SMC1B: variants seen among roughly 807,000 people sequenced by gnomAD.
SMC1B encodes the protein structural maintenance of chromosomes protein 1B.
SMC1B carries 60 observed loss-of-function variants against 157.9 expected under a neutral mutation model. The observed-to-expected ratio is 0.38, with a 90% confidence interval of 0.31 to 0.47. The LOEUF (loss-of-function observed/expected upper bound fraction) is 0.47, where lower values mean the gene tolerates loss of function less well. Among genes scored for constraint, SMC1B ranks in the 20% least tolerant of loss-of-function variants. SMC1B has a pLI of 0.99. For synonymous variants in SMC1B, 445 were observed against 483.0 expected (o/e 0.92, Z 1.03); for missense variants, 1,165 against 1,426.2 (o/e 0.82, Z 2.95).
chr22:45,399,736 A>G (rs2087170131), intron 5 of SMC1B, among the ~76,000 whole-genome samples: 1 of 152,258 alleles, frequency 6.6e-6, no homozygotes, highest in Admixed American at 6.5e-5. Context: ...AAACAGCCTT[A>G]CTGAAGGGGT....
At chr22:45,413,022 A>G (rs1409325568) in intron 1 of SMC1B, among the ~76,000 whole-genome samples, 1 of 151,234 alleles carries the variant, frequency 6.6e-6, no homozygotes, top group African/African-American at 2.4e-5. Flanking sequence ...CCAGGGCGGG[A>G]CCGGGGCGGA....
intron 16 of SMC1B, 73 bp from the exon 17 acceptor site, chr22:45,362,057 T>C (rs2086727144): frequency 6.9e-7 from 1 of 1,448,964 alleles, no homozygotes; most frequent in South Asian, 1.3e-5. Flanking sequence ...TTCTTATCAA[T>C]AACACCAAAC....
intron 21 of SMC1B, 54 bp downstream of exon 21, chr22:45,353,912 AAAAAAAAACAAC>A: frequency 1.4e-6 from 1 of 728,670 alleles, no homozygotes; most frequent in Non-Finnish European, 2.0e-6. Context: ...AAAAAAAAAA[AAAAAAAAACAAC>A]CACCACCGGT....
chr22:45,354,374 G>GTATGTATT, intron 20 of SMC1B, among the ~76,000 whole-genome samples: 1 of 152,012 alleles, frequency 6.6e-6, no homozygotes, highest in East Asian at 1.9e-4. Flanking sequence ...ATGTATGTAT[G>GTATGTATT]TATGTATGTA....
At position 45,389,840 on chromosome 22, in the gene SMC1B, T is replaced by A. The variant is rs770851273; in HGVS notation, c.1603A>T (p.Thr535Ser). 3 of 1,613,980 alleles carry A rather than the reference T, an allele frequency of 1.9e-6. No homozygotes were observed. Among genetic ancestry groups the A allele is most frequent in the Non-Finnish European group, 2.5e-6 (3 of 1,180,000 alleles). ...PIHKKYQLAV[T>S]KVFGRFITAI... ...GTGATGAACCGGCCAAAAACCTTAG[T>A]AACAGCCAGCTGGTATTTCTTATGA... The change falls in exon 10 of 25, where the codon ACT (threonine) becomes TCT (serine). Residue 535 changes from threonine (T) to serine (S), a missense_variant. Coordinates refer to ENST00000357450, the MANE Select transcript of SMC1B (RefSeq NM_148674.5).
intron 23 of SMC1B, among the ~76,000 whole-genome samples, chr22:45,348,459 G>C (rs2086573863): frequency 6.6e-6 from 1 of 152,184 alleles, no homozygotes; most frequent in Admixed American, 6.5e-5. Flanking sequence ...AACTGGGAAG[G>C]TAGGATTTTA....
Position 45,362,839 on chromosome 22 carries a change from T to C in SMC1B, c.2562+46A>G, listed in dbSNP as rs540573290. The C allele has an allele frequency of 6.6e-6, 10 of 1,516,780 alleles. No individual in the cohort carries two copies. The East Asian group carries it at 2.1e-4, about 31-fold the overall frequency. 94.0% of individuals were successfully genotyped at this position (1,516,780 alleles called of 1,614,324 possible). ...CAAAAGGTTTACCACATGAAGGAAG[T>C]CATAATTTCAATGAAGAGGCACTTC... On this transcript the variant is annotated intron_variant, in intron 16 of 24. Coordinates refer to ENST00000357450, the MANE Select transcript of SMC1B (RefSeq NM_148674.5).
chr22:45,364,029 AAT>A (rs1197506916), intron 15 of SMC1B, among the ~76,000 whole-genome samples: 1 of 151,982 alleles, frequency 6.6e-6, no homozygotes, highest in Admixed American at 6.6e-5. Context: ...TTGTATTTTT[AAT>A]AGAGACAGGG....
chr22:45,396,887 G>A (rs188694495), intron 6 of SMC1B, among the ~76,000 whole-genome samples: 99 of 151,924 alleles, frequency 6.5e-4, no homozygotes, highest in African/African-American at 2.3e-3. Flanking sequence ...TCACTTAATT[G>A]ACAAGAAGGA....
chr22:45,387,939 G>T (rs1184252444), intron 10 of SMC1B, among the ~76,000 whole-genome samples: 1 of 152,042 alleles, frequency 6.6e-6, no homozygotes, highest in East Asian at 1.9e-4. Context: ...GGCTGAGGCA[G>T]GAGAATTGCT....
At chr22:45,368,455 G>A (rs2086796425) in intron 15 of SMC1B, among the ~76,000 whole-genome samples, 1 of 150,700 alleles carries the variant, frequency 6.6e-6, no homozygotes, top group Non-Finnish European at 1.5e-5. Flanking sequence ...TTGAATTTTG[G>A]AATCAGTATT....
intron 17 of SMC1B, 149 bp from the exon 18 acceptor site, chr22:45,360,107 T>TA: frequency 1.6e-6 from 1 of 626,172 alleles, no homozygotes; most frequent in South Asian, 2.2e-5. Flanking sequence ...TTGATGCTTG[T>TA]AATTTAATTG....
intron 10 of SMC1B, among the ~76,000 whole-genome samples, chr22:45,389,208 G>A (rs2087028699): frequency 6.6e-6 from 1 of 151,998 alleles, no homozygotes; most frequent in Admixed American, 6.6e-5. Context: ...AATCACTGAA[G>A]GATATCAATC....
chr22:45,400,761 G>C (rs1200419186), intron 5 of SMC1B, among the ~76,000 whole-genome samples: 1 of 152,188 alleles, frequency 6.6e-6, no homozygotes, highest in Non-Finnish European at 1.5e-5. Context: ...GTGATACCAT[G>C]TTGATATGAC....
At position 45,353,826 on chromosome 22, in the gene SMC1B, C is replaced by G. The variant is rs558652580; in HGVS notation, c.3273+152G>C. The G allele has an allele frequency of 1.9e-4, 116 of 608,496 alleles. No individual in the cohort carries two copies. The African/African-American group carries it at 2.2e-3, about 11-fold the overall frequency. 37.7% of individuals were successfully genotyped at this position (608,496 alleles called of 1,614,324 possible). The stretch of plus-strand genomic sequence containing the variant: ...TACAACGCAGGTCATTAGATAACCA[C>G]TCTTCATGAACTGACTTTGCCCCAT... On this transcript the variant is annotated intron_variant, in intron 21 of 24. Coordinates refer to ENST00000357450, the MANE Select transcript of SMC1B (RefSeq NM_148674.5).
chr22:45,371,490 A>C lies in SMC1B; in HGVS notation c.2294T>G (p.Phe765Cys). ...CATGACCTTATCTATCTTTTCTTGA[A>C]ATTCTTTAATTCTTCGTTGTCGTTC... The part of the protein sequence containing the change: ...IKERQRRIKE[F>C]QEKIDKVEDD... Residue 765 changes from phenylalanine to cysteine, a missense_variant, in exon 14 of 25, where the codon TTT becomes TGT. Physicochemically the swap from Phe to Cys is radical, Grantham distance 205 (BLOSUM62 -2). Coordinates refer to ENST00000357450, the MANE Select transcript of SMC1B (RefSeq NM_148674.5). 6.3e-7 allele frequency: 1 copy of C among 1,596,378 alleles called. No individual in the cohort carries two copies. The highest frequency in any genetic ancestry group is 1.2e-5 in the South Asian group (1 of 86,672).
At chr22:45,411,221 G>A (rs753187301) in intron 1 of SMC1B, among the ~76,000 whole-genome samples, 37 of 151,878 alleles carry the variant, frequency 2.4e-4, no homozygotes, top group Non-Finnish European at 4.6e-4. Context: ...TAAACAAAAT[G>A]TAGTATATCT....
intron 7 of SMC1B, among the ~76,000 whole-genome samples, chr22:45,395,203 C>A (rs575491895): frequency 4.1e-4 from 62 of 152,182 alleles, no homozygotes; most frequent in Middle Eastern, 3.4e-3. Flanking sequence ...GTAGGAGAGA[C>A]AGATAATTAA....
rs118119428 is a variant in SMC1B, at chr22:45,362,231, C to T, written c.2563-247G>A. Among the ~76,000 whole-genome samples, 343 of 152,294 alleles carry T rather than the reference C, an allele frequency of 2.3e-3. 5 individuals are homozygous for T. The East Asian group carries it at 0.026, about 12-fold the overall frequency. On this transcript the variant is annotated intron_variant, in intron 16 of 24. Coordinates refer to ENST00000357450, the MANE Select transcript of SMC1B (RefSeq NM_148674.5). ...CTTATTTTGGATTCATTCCTCAGCT[C>T]ACTGACTTCTGTTCCCATTCTCCAA...
Sources: allele counts gnomAD v4.1 joint callset (sites outside exome capture counted in the v4.1 genomes callset), GRCh38; gene constraint gnomAD v4.1.1; transcripts MANE v1.5; gene names NCBI Gene and HGNC (gene_info 2026-07-23, HGNC 2026-07-21).